The following SMCO2 variants were observed in gnomAD, a reference collection of about 807,000 sequenced individuals.
The protein encoded by SMCO2 is single-pass membrane and coiled-coil domain-containing protein 2.
In SMCO2, 25 loss-of-function variants were observed where a neutral mutation model predicts 29.5. The ratio of observed to expected loss-of-function variants is 0.85; its 90% confidence interval spans 0.62 to 1.18. The LOEUF (loss-of-function observed/expected upper bound fraction) is 1.18. Among genes scored for constraint, SMCO2 ranks in the 50% most tolerant of loss-of-function variants. SMCO2 has a pLI of 0.00. For synonymous variants in SMCO2, 117 were observed against 123.3 expected (o/e 0.95, Z 0.34); for missense variants, 348 against 344.5 (o/e 1.01, Z -0.08).
the SMCO2 span, among the ~76,000 whole-genome samples, chr12:27,435,794 A>G: frequency 6.6e-6 from 1 of 152,144 alleles, no homozygotes; most frequent in South Asian, 2.1e-4. Flanking sequence ...AGAAAGTCAC[A>G]GTTCTGTATA....
At chr12:27,448,956 A>G in the SMCO2 span, among the ~76,000 whole-genome samples, 1 of 152,208 alleles carries the variant, frequency 6.6e-6, no homozygotes, top group East Asian at 1.9e-4. Context: ...GGACTTTGAA[A>G]GAGGAGAAAG....
At chr12:27,426,589 G>A in the SMCO2 span, among the ~76,000 whole-genome samples, 54 of 152,262 alleles carry the variant, frequency 3.5e-4, no homozygotes, top group South Asian at 8.3e-4. Context: ...TTTTAACAAT[G>A]ATCATTATAT....
chr12:27,479,082 G>A (rs1233402170), intron 4 of SMCO2, among the ~76,000 whole-genome samples: 1 of 152,216 alleles, frequency 6.6e-6, no homozygotes, highest in Non-Finnish European at 1.5e-5. Context: ...GTGGGTGTCA[G>A]TGGCTATGGG....
At chr12:27,428,782 A>AT in the SMCO2 span, among the ~76,000 whole-genome samples, 1 of 126,402 alleles carries the variant, frequency 7.9e-6, no homozygotes, top group South Asian at 2.4e-4. Flanking sequence ...AACCTGTTAC[A>AT]TTTTACCTTG....
At chr12:27,496,572 TG>T (rs1943006529) in intron 7 of SMCO2, among the ~76,000 whole-genome samples, 1 of 150,654 alleles carries the variant, frequency 6.6e-6, no homozygotes, top group Non-Finnish European at 1.5e-5. Flanking sequence ...CAGCAAATTC[TG>T]GCTCTTTGGA....
At chr12:27,431,287 C>T in the SMCO2 span, among the ~76,000 whole-genome samples, 1 of 152,158 alleles carries the variant, frequency 6.6e-6, no homozygotes, top group East Asian at 1.9e-4. Flanking sequence ...GGATTACAGG[C>T]ATGAGCTACT....
chr12:27,440,492 A>G, the SMCO2 span, among the ~76,000 whole-genome samples: 1 of 152,244 alleles, frequency 6.6e-6, no homozygotes, highest in Non-Finnish European at 1.5e-5. Flanking sequence ...CAGTCCACTT[A>G]TAACTCTAGA....
the SMCO2 span, among the ~76,000 whole-genome samples, chr12:27,444,823 A>G: frequency 1.3e-5 from 2 of 152,240 alleles, no homozygotes; most frequent in Non-Finnish European, 2.9e-5. Flanking sequence ...TGATCCAGCA[A>G]TGCCACTCCT....
chr12:27,497,254 C>G (rs975462588), intron 7 of SMCO2: 3 of 152,254 alleles, frequency 2.0e-5, no homozygotes, highest in African/African-American at 7.4e-5. Flanking sequence ...GAAAGTTTAT[C>G]TGTGATATCT....
At chr12:27,448,473 A>G in the SMCO2 span, among the ~76,000 whole-genome samples, 1 of 152,212 alleles carries the variant, frequency 6.6e-6, no homozygotes, top group Admixed American at 6.5e-5. Flanking sequence ...CAACTGCATA[A>G]AAGCAAAACC....
At chr12:27,447,128 C>G in the SMCO2 span, among the ~76,000 whole-genome samples, 1 of 152,172 alleles carries the variant, frequency 6.6e-6, no homozygotes, top group African/African-American at 2.4e-5. Context: ...TGAATGGCAT[C>G]TCACTGCCCT....
exon 7 of SMCO2, chr12:27,495,784 G>A (rs779685023): frequency 1.3e-6 from 2 of 1,539,712 alleles, no homozygotes; most frequent in East Asian, 4.9e-5. Flanking sequence ...ATACGGAAGA[G>A]ATGGAGGCCC....
the SMCO2 span, among the ~76,000 whole-genome samples, chr12:27,441,418 A>C: frequency 6.6e-6 from 1 of 152,206 alleles, no homozygotes; most frequent in Non-Finnish European, 1.5e-5. Flanking sequence ...GAAACCAAAA[A>C]CAAGCATGAC....
intron 5 of SMCO2, among the ~76,000 whole-genome samples, chr12:27,491,986 G>C (rs767716153): frequency 6.6e-6 from 1 of 152,098 alleles, no homozygotes; most frequent in Non-Finnish European, 1.5e-5. Context: ...TGGGATGACA[G>C]GCATGAGCCA....
intron 5 of SMCO2, among the ~76,000 whole-genome samples, chr12:27,492,149 T>G (rs73088335): frequency 0.052 from 7,937 of 152,336 alleles, 272 homozygotes; most frequent in East Asian, 0.11. Flanking sequence ...ATTTACACAT[T>G]GTTGTTTTGA....
At chr12:27,431,616 G>A in the SMCO2 span, among the ~76,000 whole-genome samples, 1 of 151,960 alleles carries the variant, frequency 6.6e-6, no homozygotes, top group African/African-American at 2.4e-5. Flanking sequence ...ATATTCCATT[G>A]TAGATCACAT....
the SMCO2 span, among the ~76,000 whole-genome samples, chr12:27,446,969 G>A: frequency 6.6e-6 from 1 of 152,158 alleles, no homozygotes; most frequent in African/African-American, 2.4e-5. Context: ...AGGGACGGTG[G>A]CTGAGCATTG....
At chr12:27,488,112 T>C (rs556400687) in intron 4 of SMCO2, among the ~76,000 whole-genome samples, 3 of 152,194 alleles carry the variant, frequency 2.0e-5, no homozygotes, top group Non-Finnish European at 4.4e-5. Flanking sequence ...CAATTTTCCC[T>C]CTTACAGATT....
intron 5 of SMCO2, chr12:27,493,822 G>A (rs1258744288): frequency 6.6e-6 from 1 of 152,414 alleles, no homozygotes; most frequent in African/African-American, 2.4e-5. Flanking sequence ...GACATGGGAA[G>A]AGAAGAAGAG....
Sources: gnomAD v4.1 joint callset for allele counts (sites outside exome capture counted in the v4.1 genomes callset) on GRCh38, gnomAD v4.1.1 for gene constraint, MANE v1.5 for transcripts, NCBI Gene and HGNC (gene_info 2026-07-23, HGNC 2026-07-21) for gene names.